R3HDM1: variants seen among roughly 807,000 people sequenced by gnomAD.
R3HDM1 encodes R3H domain containing 1.
Under a neutral mutation model 141.1 loss-of-function variants are expected in R3HDM1, and 46 were observed. The observed-to-expected ratio is 0.33, with a 90% confidence interval of 0.26 to 0.42. The LOEUF is 0.42. R3HDM1 is among the 10% of genes least tolerant of loss of function. The probability of loss-of-function intolerance (pLI) is 1.00; values close to 1 mark genes in which losing one functional copy is unlikely to be tolerated. For missense variants in R3HDM1, 1,184 were observed against 1,368.3 expected (o/e 0.87, Z 2.12); for synonymous variants, 435 against 472.9 (o/e 0.92, Z 1.04).
intron 3 of R3HDM1, among the ~76,000 whole-genome samples, chr2:135,613,407 C>G (rs925315439): frequency 6.6e-6 from 1 of 152,064 alleles, no homozygotes; most frequent in Non-Finnish European, 1.5e-5. Context: ...CTGACTTGCC[C>G]CCGTGCTCCC....
At chr2:135,586,927 A>T in intron 1 of R3HDM1, 3 of 985,076 alleles carry the variant, frequency 3.0e-6, no homozygotes, top group Non-Finnish European at 3.6e-6. Flanking sequence ...TGTGGAACAA[A>T]TACAATGTGA....
At position 135,649,979 on chromosome 2, in the gene R3HDM1, C is replaced by G. The variant is rs1256279544; in HGVS notation, c.1701C>G (p.Val567=). 1 of 1,295,028 alleles carries G rather than the reference C, an allele frequency of 7.7e-7. No homozygotes were observed. Among genetic ancestry groups the G allele is most frequent in the Non-Finnish European group, 1.0e-6 (1 of 984,424 alleles). 80.2% of individuals were successfully genotyped at this position (1,295,028 alleles called of 1,614,324 possible). ...CTTACCCATCCCCGTTCCTGCCAGT[C>G]TCACCCACCCAGCAATACTCTGTGG... ...TAPYPSPFLP[V]SPTQQYSVQD... The change falls in exon 17 of 27, where the codon GTC becomes GTG. Residue 567 remains valine (V), a synonymous_variant. Transcript: ENST00000683871.
chr2:135,699,057 A>AT (rs60699254), intron 21 of R3HDM1, among the ~76,000 whole-genome samples: 3,508 of 135,704 alleles, frequency 0.026, 149 homozygotes, highest in African/African-American at 0.056. Flanking sequence ...GATAGATAAG[A>AT]TAGATTGATT....
intron 23 of R3HDM1, among the ~76,000 whole-genome samples, chr2:135,710,481 G>A (rs2075493368): frequency 6.6e-6 from 1 of 152,088 alleles, no homozygotes; most frequent in African/African-American, 2.4e-5. Context: ...GCTGGGTGTA[G>A]TGGCACATGC....
intron 1 of R3HDM1, among the ~76,000 whole-genome samples, chr2:135,599,804 G>T (rs1012257259): frequency 7.2e-5 from 11 of 152,106 alleles, no homozygotes; most frequent in African/African-American, 2.7e-4. Context: ...AGGTTGGGAC[G>T]GGGGATTACT....
In R3HDM1 at chr2:135,565,322, A is replaced by AAAAATT. The variant is rs201898357; in HGVS notation, c.-250+33690_-250+33691insAAATTA. Among the ~76,000 whole-genome samples the AAAAATT allele has an allele frequency of 1.8e-3, 258 of 143,148 alleles. 1 individual carries two copies. Among genetic ancestry groups the AAAAATT allele is most frequent in the African/African-American group, 6.5e-3 (252 of 38,596 alleles). 93.9% of individuals were successfully genotyped at this position (143,148 alleles called of 152,430 possible). A position where few individuals can be genotyped will look rare whatever the true frequency, so the allele number is the denominator to read the frequency against. On this transcript the variant is annotated intron_variant, in intron 1 of 26. Transcript: ENST00000683871. ...TCTTCTGTCCTTGCCAATGAAAAAA[A>AAAAATT]ATTATTATTATTATTATTATTATTA...
intron 1 of R3HDM1, among the ~76,000 whole-genome samples, chr2:135,583,088 C>T (rs1440867366): frequency 6.6e-6 from 1 of 152,146 alleles, no homozygotes; most frequent in African/African-American, 2.4e-5. Flanking sequence ...AGAAATTTAA[C>T]GTTTATAAGA....
At chr2:135,645,271 T>C in intron 15 of R3HDM1, 108 bp from the exon 16 acceptor site, 5 of 968,148 alleles carry the variant, frequency 5.2e-6, no homozygotes, top group Non-Finnish European at 7.5e-6. Context: ...GGGTTTTTTT[T>C]TAATTGTGGT....
chr2:135,714,764 T>TACACACACAC (rs144894901), intron 23 of R3HDM1, among the ~76,000 whole-genome samples: 1 of 146,768 alleles, frequency 6.8e-6, no homozygotes, highest in African/African-American at 2.5e-5. Context: ...TATGGGTGTA[T>TACACACACAC]ACACACACAC....
intron 23 of R3HDM1, 73 bp from the exon 24 acceptor site, chr2:135,715,477 A>G: frequency 8.7e-6 from 13 of 1,488,312 alleles, no homozygotes; most frequent in Non-Finnish European, 1.1e-5. Context: ...AAGTACGTAT[A>G]TGTAATCAGG....
At chr2:135,563,458 T>A (rs1361855660) in intron 1 of R3HDM1, among the ~76,000 whole-genome samples, 3 of 152,250 alleles carry the variant, frequency 2.0e-5, no homozygotes, top group Admixed American at 1.3e-4. Context: ...GGTTAGCATA[T>A]GTCTTCCTTT....
At chr2:135,682,768 G>T (rs577769551) in intron 21 of R3HDM1, among the ~76,000 whole-genome samples, 1 of 151,752 alleles carries the variant, frequency 6.6e-6, no homozygotes, top group Non-Finnish European at 1.5e-5. Context: ...AAGCTGAGGC[G>T]GGTGGATCAC....
intron 21 of R3HDM1, among the ~76,000 whole-genome samples, chr2:135,706,989 G>A (rs1489439702): frequency 5.3e-5 from 8 of 151,940 alleles, no homozygotes; most frequent in African/African-American, 1.4e-4. Flanking sequence ...CGGACGGGGC[G>A]GCTGGCCGGG....
intron 1 of R3HDM1, among the ~76,000 whole-genome samples, chr2:135,565,092 T>C (rs974849133): frequency 2.6e-5 from 4 of 152,064 alleles, no homozygotes; most frequent in Non-Finnish European, 4.4e-5. Context: ...TTTCAGTCTT[T>C]TAAAACAACA....
In R3HDM1 at chr2:135,603,406, G is replaced by A. The variant is rs181488520; in HGVS notation, c.-41+698G>A. Among the ~76,000 whole-genome samples, 27 of 152,086 alleles carry A rather than the reference G, an allele frequency of 1.8e-4. 1 individual carries two copies. In the East Asian group the frequency reaches 5.2e-3, roughly 29 times the overall value. ...CCCCCCCGCCACAAGATTTTATTAC[G>A]AAAATTTTCAGAAATATAGAAAAGT... On this transcript the variant is annotated intron_variant, in intron 2 of 26. Transcript: ENST00000683871.
intron 1 of R3HDM1, chr2:135,543,069 G>C (rs1193082733): frequency 1.0e-6 from 1 of 982,280 alleles, no homozygotes. Flanking sequence ...AATGGAATGT[G>C]AGGAGATCAA....
chr2:135,623,123 T>C, intron 7 of R3HDM1: 1 of 843,320 alleles, frequency 1.2e-6, no homozygotes, highest in South Asian at 5.5e-5. Flanking sequence ...TTTTTGTTCC[T>C]TCTTGCTGAG....
chr2:135,567,514 G>T (rs954803745), intron 1 of R3HDM1, among the ~76,000 whole-genome samples: 15 of 152,116 alleles, frequency 9.9e-5, no homozygotes, highest in Admixed American at 3.3e-4. Context: ...GTAAAGCTGA[G>T]TATTTCACCT....
chr2:135,680,619 A>G (rs1163891651), intron 21 of R3HDM1, among the ~76,000 whole-genome samples: 1 of 152,212 alleles, frequency 6.6e-6, no homozygotes, highest in African/African-American at 2.4e-5. Flanking sequence ...ATAATACAGA[A>G]GTTAGCTGGG....
Sources: allele counts gnomAD v4.1 joint callset (sites outside exome capture counted in the v4.1 genomes callset), GRCh38; gene constraint gnomAD v4.1.1; transcripts MANE v1.5; gene names NCBI Gene and HGNC (gene_info 2026-07-23, HGNC 2026-07-21).